FNDC7: variants seen among roughly 807,000 people sequenced by gnomAD.
The protein encoded by FNDC7 is fibronectin type III domain-containing protein 7.
In FNDC7, 66 loss-of-function variants were observed where a neutral mutation model predicts 74.2. That is an observed-to-expected ratio of 0.89 (90% CI 0.73 to 1.09). The LOEUF (loss-of-function observed/expected upper bound fraction) is 1.09, where lower values mean the gene tolerates loss of function less well. Ranked by LOEUF, FNDC7 falls within the 50% of genes least tolerant of loss-of-function variation. The probability of loss-of-function intolerance (pLI) is 0.00; values close to 1 mark genes in which losing one functional copy is unlikely to be tolerated. For synonymous variants in FNDC7, 307 were observed against 330.2 expected (o/e 0.93, Z 0.76); for missense variants, 829 against 893.4 (o/e 0.93, Z 0.92).
At position 108,717,994 on chromosome 1, in the gene FNDC7, G is replaced by A. The variant is rs1419736059; in HGVS notation, c.300G>A (p.Gly100=). The change falls in exon 3 of 13, where the codon GGG becomes GGA. Residue 100 remains glycine, a synonymous_variant. Transcript: ENST00000370017. ...EITIRSISAA[G]RSQASPPKQA... is the part of the protein sequence containing the mutation. ...CCATCAGATCCATCAGCGCTGCTGG[G>A]AGAAGCCAGGCGTCACCTCCAAAGC... The A allele has an allele frequency of 2.6e-6, 4 of 1,551,624 alleles. No individual in the cohort carries two copies. In the African/African-American group the frequency reaches 4.1e-5, roughly 16 times the overall value.
rs4970809 is a variant in FNDC7 at position 108,730,834 on chromosome 1, A to G, written c.1785A>G (p.Gly595=). ...CTCATCAAAACCACTGCCTCCTAGG[A>G]TGCATCACATGTGGCATCAATTACA... The part of the protein sequence containing the change: ...CHTHQNHCLL[G]CITCGINYTV... Residue 595 remains glycine (G), a synonymous_variant, in exon 9 of 13, where the codon GGA becomes GGG. Transcript: ENST00000370017. 850,515 of 1,613,450 alleles carry G rather than the reference A, an allele frequency of 0.53. 227,962 individuals carry two copies. Among genetic ancestry groups the G allele is most frequent in the African/African-American group, 0.57 (42,521 of 74,894 alleles).
chr1:108,716,277 A>C (rs539187782), intron 2 of FNDC7, among the ~76,000 whole-genome samples: 10 of 151,330 alleles, frequency 6.6e-5, no homozygotes, highest in Non-Finnish European at 1.5e-4. Flanking sequence ...TAGAGGAAAG[A>C]AGGCATATAG....
At chr1:108,716,324 T>G (rs1361005758) in intron 2 of FNDC7, among the ~76,000 whole-genome samples, 20 of 40,150 alleles carry the variant, frequency 5.0e-4, no homozygotes, top group African/African-American at 1.0e-3. Context: ...AAGAGAGGTG[T>G]GTGTGTGTGT....
chr1:108,727,059 T>C (rs1311993269), intron 6 of FNDC7, among the ~76,000 whole-genome samples: 1 of 152,046 alleles, frequency 6.6e-6, no homozygotes, highest in Non-Finnish European at 1.5e-5. Flanking sequence ...GGCACAGTGG[T>C]TCACGCCTGT....
intron 10 of FNDC7, 29 bp from the exon 11 acceptor site, chr1:108,737,466 T>A: frequency 6.5e-7 from 1 of 1,549,546 alleles, no homozygotes; most frequent in Non-Finnish European, 8.8e-7. Context: ...GAATAGATTT[T>A]ATTTTAAATG....
intron 5 of FNDC7, among the ~76,000 whole-genome samples, 180 bp downstream of exon 5, chr1:108,722,772 T>C (rs74514987): frequency 1.7e-3 from 264 of 152,370 alleles, no homozygotes; most frequent in African/African-American, 6.2e-3. Flanking sequence ...AAGCGAGATA[T>C]TGTGTATTGC....
At position 108,727,864 on chromosome 1, in the gene FNDC7, A is replaced by G; in HGVS notation, c.1168A>G (p.Ile390Val). 6.2e-7 allele frequency: 1 copy of G among 1,614,008 alleles called. No individual in the cohort carries two copies. The highest frequency in any genetic ancestry group is 2.2e-5 in the East Asian group (1 of 44,870). ...GTTGGTGTCCAGTGACAGAGTTGAG[A>G]TTGTCTGGTCTCCTGTCCGTGGTGC... is the stretch of plus-strand genomic sequence containing the variant. ...PVLVSSDRVEIVWSPVRGAEL... is the reference protein window; with the variant it reads ...PVLVSSDRVEVVWSPVRGAEL... Residue 390 changes from isoleucine (I) to valine (V), a missense_variant, in exon 7 of 13, where the codon ATT becomes GTT. Ile to Val is a conservative substitution (Grantham distance 29). Transcript: ENST00000370017.
chr1:108,739,181 G>A (rs1661584357), intron 11 of FNDC7, among the ~76,000 whole-genome samples: 1 of 152,118 alleles, frequency 6.6e-6, no homozygotes, highest in African/African-American at 2.4e-5. Flanking sequence ...GAATGTCTAT[G>A]TTTTAACAAA....
intron 10 of FNDC7, 104 bp from the exon 11 acceptor site, chr1:108,737,391 T>C: frequency 9.5e-7 from 1 of 1,055,028 alleles, no homozygotes; most frequent in South Asian, 1.5e-5. Flanking sequence ...TTCTTGTTCG[T>C]TTTTTGGTTT....
chr1:108,726,897 G>A (rs550629725), intron 6 of FNDC7, among the ~76,000 whole-genome samples: 29 of 152,216 alleles, frequency 1.9e-4, no homozygotes, highest in South Asian at 6.2e-4. Context: ...GTCCCGACAC[G>A]AGAGGGCCCT....
At chr1:108,721,114 C>T (rs1253768504) in intron 4 of FNDC7, among the ~76,000 whole-genome samples, 1 of 152,204 alleles carries the variant, frequency 6.6e-6, no homozygotes, top group East Asian at 1.9e-4. Context: ...CAAGATGGCC[C>T]ACGGGAAAAT....
rs946434402 is a variant in FNDC7 at position 108,742,129 on chromosome 1, A to C, written c.*242A>C. 2.8e-6 allele frequency: 1 copy of C among 360,080 alleles called. No homozygotes were observed. The allele number at this position is 360,080 out of a possible 1,614,324, so 22.3% of individuals were successfully genotyped here. A position where few individuals can be genotyped will look rare whatever the true frequency, so the allele number is the denominator to read the frequency against. On this transcript the variant is annotated 3_prime_UTR_variant, in exon 13 of 13. Coordinates refer to ENST00000370017, the MANE Select transcript of FNDC7 (RefSeq NM_001144937.3). Reference sequence around the variant, plus strand: ...ACTCTGGAGAGAAATGAATCCAGAAAGTCCCCTGGACGGCTGCTAGCCTGA... The same window carrying C: ...ACTCTGGAGAGAAATGAATCCAGAACGTCCCCTGGACGGCTGCTAGCCTGA...
rs930883256 is a variant in FNDC7, at chr1:108,729,001, C to CAG, written c.1624+119_1624+120dup. ...CAGTGCAACAGAAATACATTAAACT[C>CAG]AGAGACGTTTCAAAGAGTCCCGGTC... is the stretch of plus-strand genomic sequence containing the variant. On this transcript the variant is annotated intron_variant, in intron 8 of 12. Transcript: ENST00000370017. 2.3e-5 allele frequency: 30 copies of CAG among 1,321,300 alleles called. No homozygotes were observed. The African/African-American group carries it at 4.3e-4, about 19-fold the overall frequency. The allele number at this position is 1,321,300 out of a possible 1,614,324, so 81.8% of individuals were successfully genotyped here.
At chr1:108,727,779 C>A in intron 6 of FNDC7, 29 bp from the exon 7 acceptor site, 1 of 1,610,934 alleles carries the variant, frequency 6.2e-7, no homozygotes, top group Admixed American at 1.7e-5. Context: ...TTGATGGGAC[C>A]GCCATTTTCC....
intron 11 of FNDC7, among the ~76,000 whole-genome samples, chr1:108,740,594 C>T (rs1414458960): frequency 1.3e-5 from 2 of 152,126 alleles, no homozygotes; most frequent in African/African-American, 4.8e-5. Context: ...TCCCGAAGTG[C>T]TGGGATTACA....
At chr1:108,720,180 T>C (rs1046970636) in intron 4 of FNDC7, among the ~76,000 whole-genome samples, 2 of 152,186 alleles carry the variant, frequency 1.3e-5, no homozygotes, top group Non-Finnish European at 2.9e-5. Context: ...CCTCCTGTCC[T>C]TCCCTTTCCT....
In FNDC7 at chr1:108,729,924, AG is replaced by A. The variant is rs142808526; in HGVS notation, c.1625-749del. Among the ~76,000 whole-genome samples, 493 of 152,374 alleles carry A rather than the reference AG, an allele frequency of 3.2e-3. 5 individuals are homozygous for A. Among genetic ancestry groups the A allele is most frequent in the African/African-American group, 0.011 (472 of 41,588 alleles). On this transcript the variant is annotated intron_variant, in intron 8 of 12. Coordinates refer to ENST00000370017, the MANE Select transcript of FNDC7 (RefSeq NM_001144937.3). ...CGGGTAATGGGTCCCTGAAAAGTCA[AG>A]ATGGCTGTGGTATTTTAGACAGCTA...
At chr1:108,731,933 C>T (rs1350021355) in intron 9 of FNDC7, among the ~76,000 whole-genome samples, 1 of 152,070 alleles carries the variant, frequency 6.6e-6, no homozygotes, top group Non-Finnish European at 1.5e-5. Flanking sequence ...AAGAATAAAT[C>T]AAGTAAGCCT....
intron 8 of FNDC7, among the ~76,000 whole-genome samples, chr1:108,729,173 C>T (rs572441834): frequency 1.2e-4 from 19 of 152,286 alleles, no homozygotes; most frequent in Admixed American, 7.8e-4. Flanking sequence ...TATAATCTAT[C>T]GAAACAGCTA....
Sources: allele counts gnomAD v4.1 joint callset (sites outside exome capture counted in the v4.1 genomes callset), GRCh38; gene constraint gnomAD v4.1.1; transcripts MANE v1.5; gene names NCBI Gene and HGNC (gene_info 2026-07-23, HGNC 2026-07-21).